The following NXN variants were observed in gnomAD, a reference collection of about 807,000 sequenced individuals.
The protein encoded by NXN is nucleoredoxin, also known as nucleoredoxin 1.
Under a neutral mutation model 48.6 loss-of-function variants are expected in NXN, and 16 were observed. The observed-to-expected ratio is 0.33, with a 90% CI of 0.22 to 0.50. NXN has a LOEUF of 0.50. Among genes scored for constraint, NXN ranks in the 20% least tolerant of loss-of-function variants. NXN has a pLI of 0.98. For synonymous variants in NXN, 281 were observed against 269.6 expected (o/e 1.04, Z -0.41); for missense variants, 492 against 605.5 (o/e 0.81, Z 1.97).
rs1038697603 is a variant in NXN at position 917,235 on chromosome 17, G to A, written c.360+62084C>T. 3.3e-4 allele frequency among the ~76,000 whole-genome samples: 50 copies of A among 152,028 alleles called. No homozygotes were observed. The highest frequency in any genetic ancestry group is 1.1e-3 in the African/African-American group (45 of 41,470). On this transcript the variant is annotated intron_variant, in intron 1 of 7. Coordinates refer to ENST00000336868, the MANE Select transcript of NXN (RefSeq NM_022463.5). This position sits in a 1 kb window ranked among gnomAD's most constrained non-coding sequence, Gnocchi z 4.5. ...CGGCTCGCCGTGGCCTCCGCCTCGCGGGTTCAAGCGATTCTCCTGCCTCAG... is the reference window on the plus strand; with the variant it reads ...CGGCTCGCCGTGGCCTCCGCCTCGCAGGTTCAAGCGATTCTCCTGCCTCAG...
At position 979,281 on chromosome 17, in the gene NXN, G is replaced by C. The variant is rs752778162; in HGVS notation, c.360+38C>G. ...GGGGCGGGCAGGGGTAACGGGCGTG[G>C]GGGGCGGGCAGGGGCCGGCGAGGCC... On this transcript the variant is annotated intron_variant, in intron 1 of 7. Transcript: ENST00000336868. 3.5e-6 allele frequency: 5 copies of C among 1,420,292 alleles called. No individual in the cohort carries two copies. The Admixed American group carries it at 9.1e-5, about 26-fold the overall frequency. The allele number at this position is 1,420,292 out of a possible 1,614,324, so 88.0% of individuals were successfully genotyped here. A position where few individuals can be genotyped will look rare whatever the true frequency, so the allele number is the denominator to read the frequency against.
chr17:814,420 C>T (rs528489794), intron 5 of NXN, among the ~76,000 whole-genome samples: 6 of 152,244 alleles, frequency 3.9e-5, no homozygotes, highest in South Asian at 2.1e-4. Context: ...TTCTGCTCCA[C>T]GGATGATGAG....
chr17:943,586 C>T (rs905806937), intron 1 of NXN, among the ~76,000 whole-genome samples: 1 of 152,094 alleles, frequency 6.6e-6, no homozygotes, highest in Non-Finnish European at 1.5e-5. Context: ...GTTTGGGAGG[C>T]TGAGGCAGGC....
chr17:886,637 G>A (rs566014564), intron 1 of NXN, among the ~76,000 whole-genome samples: 1 of 152,246 alleles, frequency 6.6e-6, no homozygotes, highest in South Asian at 2.1e-4. Context: ...AATTAGCCGG[G>A]CGTGGTGGCA....
rs557846660 is a variant in NXN at position 969,392 on chromosome 17, T to C, written c.360+9927A>G. Among the ~76,000 whole-genome samples, 18 of 152,314 alleles carry C rather than the reference T, an allele frequency of 1.2e-4. No homozygotes were observed. In the East Asian group the frequency reaches 2.1e-3, roughly 18 times the overall value. On this transcript the variant is annotated intron_variant, in intron 1 of 7. Transcript: ENST00000336868. ...TCCAGTCTATATTCTTCGTCTACTA[T>C]GGAACACACTTTAAATATTCACATA...
intron 1 of NXN, among the ~76,000 whole-genome samples, chr17:916,704 C>A (rs111726501): frequency 1.2e-4 from 19 of 152,150 alleles, no homozygotes; most frequent in African/African-American, 3.4e-4. Context: ...TTTTGGAGGC[C>A]GAGGCAGGTG....
intron 1 of NXN, chr17:863,816 C>T: frequency 1.3e-6 from 1 of 746,584 alleles, no homozygotes; most frequent in South Asian, 1.7e-5. Context: ...TACAAATGGA[C>T]CCTTGCAATT....
chr17:969,731 T>C (rs754394721), intron 1 of NXN, among the ~76,000 whole-genome samples: 2 of 151,870 alleles, frequency 1.3e-5, no homozygotes, highest in Non-Finnish European at 2.9e-5. Flanking sequence ...ACAGATTAAA[T>C]CCATCCAGAT....
intron 1 of NXN, among the ~76,000 whole-genome samples, chr17:840,383 A>T (rs2144703098): frequency 6.6e-6 from 1 of 151,514 alleles, no homozygotes; most frequent in South Asian, 2.1e-4. Context: ...TCTGCCGCCC[A>T]GGCTGGGGTG....
At chr17:842,583 C>T (rs1439419151) in intron 1 of NXN, 2 of 985,154 alleles carry the variant, frequency 2.0e-6, no homozygotes, top group African/African-American at 1.7e-5. Context: ...GGGGGCCCGT[C>T]TCCTCCTCCT....
At chr17:821,866 C>T (rs370237100) in intron 4 of NXN, among the ~76,000 whole-genome samples, 6 of 152,082 alleles carry the variant, frequency 3.9e-5, no homozygotes, top group East Asian at 1.9e-4. Flanking sequence ...TCACCACAAT[C>T]TAAAAAGCTG....
intron 1 of NXN, among the ~76,000 whole-genome samples, chr17:954,563 T>C (rs1439596873): frequency 2.6e-5 from 4 of 152,242 alleles, no homozygotes; most frequent in African/African-American, 4.8e-5. Flanking sequence ...TCGACCTCCC[T>C]GCTCAGGTTC....
At chr17:979,273 C>T in intron 1 of NXN, 46 bp downstream of exon 1, 2 of 860,646 alleles carry the variant, frequency 2.3e-6, no homozygotes, top group Non-Finnish European at 1.4e-6. Context: ...GCAGGGGTAA[C>T]GGGCGTGGGG....
At chr17:887,483 T>C (rs1318951102) in intron 1 of NXN, among the ~76,000 whole-genome samples, 1 of 151,980 alleles carries the variant, frequency 6.6e-6, no homozygotes, top group African/African-American at 2.4e-5. Flanking sequence ...TTCTCGGAGA[T>C]TTTCCAAATC....
At chr17:853,420 C>T (rs1045624621) in intron 1 of NXN, among the ~76,000 whole-genome samples, 48 of 152,064 alleles carry the variant, frequency 3.2e-4, no homozygotes, top group African/African-American at 1.1e-3. Flanking sequence ...TGCCTTCTAA[C>T]CTGGCTGACA....
At chr17:876,593 G>A (rs1321758992) in intron 1 of NXN, among the ~76,000 whole-genome samples, 2 of 152,194 alleles carry the variant, frequency 1.3e-5, no homozygotes, top group East Asian at 3.8e-4. Flanking sequence ...TTAAGCCCAG[G>A]AATCAGTCTC....
intron 1 of NXN, among the ~76,000 whole-genome samples, chr17:855,754 ACT>A (rs1439000734): frequency 1.2e-4 from 18 of 152,064 alleles, no homozygotes; most frequent in African/African-American, 3.6e-4. Flanking sequence ...GAGTCTAAAG[ACT>A]CTGTGTACCT....
At chr17:875,545 G>A (rs1378124275) in intron 1 of NXN, among the ~76,000 whole-genome samples, 9 of 152,004 alleles carry the variant, frequency 5.9e-5, no homozygotes, top group African/African-American at 1.9e-4. Flanking sequence ...GCAGAAGATC[G>A]AATCAGACTA....
At chr17:843,041 AAAG>A (rs1914455523) in intron 1 of NXN, among the ~76,000 whole-genome samples, 2 of 141,372 alleles carry the variant, frequency 1.4e-5, no homozygotes, top group African/African-American at 3.0e-5. Context: ...AGAAAGAAAG[AAAG>A]AAAGAAAGAA....
Sources: gnomAD v4.1 joint callset for allele counts (sites outside exome capture counted in the v4.1 genomes callset) on GRCh38, gnomAD v4.1.1 for gene constraint, Gnocchi (gnomAD v3.1) non-coding constraint, MANE v1.5 for transcripts, NCBI Gene and HGNC (gene_info 2026-07-23, HGNC 2026-07-21) for gene names.